RPS6KC1: variants seen among roughly 807,000 people sequenced by gnomAD.
RPS6KC1 encodes the protein inactive ribosomal protein S6 kinase delta-1.
Under a neutral mutation model 103.8 loss-of-function variants are expected in RPS6KC1, and 54 were observed. The observed-to-expected ratio is 0.52, with a 90% confidence interval of 0.42 to 0.65. The LOEUF is 0.65. RPS6KC1 is among the 30% of genes least tolerant of loss of function. The pLI, the probability that RPS6KC1 is intolerant of heterozygous loss-of-function variation, is 0.00. For missense variants in RPS6KC1, 1,151 were observed against 1,253.8 expected, an observed-to-expected ratio of 0.92 and a Z score of 1.24; for synonymous variants, 439 against 438.7, an observed-to-expected ratio of 1.00 and a Z score of -0.01.
At chr1:213,439,232 A>T in the RPS6KC1 span, among the ~76,000 whole-genome samples, 1 of 152,064 alleles carries the variant, frequency 6.6e-6, no homozygotes, top group Non-Finnish European at 1.5e-5. Context: ...TACAGGAAAA[A>T]CCAGCACAGA....
At chr1:213,381,069 G>A in the RPS6KC1 span, among the ~76,000 whole-genome samples, 3 of 152,196 alleles carry the variant, frequency 2.0e-5, no homozygotes, top group Admixed American at 1.3e-4. Context: ...TTAACGATTG[G>A]CGCTCGGAAC....
At chr1:213,218,406 G>A (rs2093728897) in intron 8 of RPS6KC1, among the ~76,000 whole-genome samples, 1 of 152,054 alleles carries the variant, frequency 6.6e-6, no homozygotes, top group Admixed American at 6.5e-5. Context: ...CCATGCTCAT[G>A]GGTAGGAAGA....
chr1:213,339,332 C>G, the RPS6KC1 span, among the ~76,000 whole-genome samples: 3 of 152,082 alleles, frequency 2.0e-5, no homozygotes, highest in Non-Finnish European at 4.4e-5. Flanking sequence ...CACATGTAGA[C>G]AAATCTTGGC....
chr1:213,180,756 TTGTG>T (rs1400237932), intron 8 of RPS6KC1, among the ~76,000 whole-genome samples: 1 of 152,066 alleles, frequency 6.6e-6, no homozygotes, highest in Non-Finnish European at 1.5e-5. Context: ...TTTGTTGTAT[TTGTG>T]TGGTACGAAT....
the RPS6KC1 span, among the ~76,000 whole-genome samples, chr1:213,366,981 G>A: frequency 1.3e-5 from 2 of 152,274 alleles, no homozygotes; most frequent in South Asian, 2.1e-4. Flanking sequence ...GATAGAGGTC[G>A]TAGTCTTCAA....
At chr1:213,320,278 A>G in the RPS6KC1 span, among the ~76,000 whole-genome samples, 2 of 152,240 alleles carry the variant, frequency 1.3e-5, no homozygotes, top group Non-Finnish European at 2.9e-5. Context: ...TCAGTCAGGT[A>G]TATTTATCAC....
At chr1:213,610,582 A>G in the RPS6KC1 span, among the ~76,000 whole-genome samples, 1 of 152,156 alleles carries the variant, frequency 6.6e-6, no homozygotes, top group African/African-American at 2.4e-5. Context: ...ATAATGATTC[A>G]GCCTTTCTCC....
chr1:213,279,780 T>G, the RPS6KC1 span, among the ~76,000 whole-genome samples: 1 of 152,154 alleles, frequency 6.6e-6, no homozygotes, highest in Non-Finnish European at 1.5e-5. Flanking sequence ...TGAAATTATT[T>G]CCAAATAAAA....
chr1:213,648,826 C>T, the RPS6KC1 span, among the ~76,000 whole-genome samples: 2 of 152,282 alleles, frequency 1.3e-5, no homozygotes, highest in African/African-American at 4.8e-5. Flanking sequence ...TCTGTCCCCA[C>T]CATGACAATC....
the RPS6KC1 span, among the ~76,000 whole-genome samples, chr1:213,305,303 G>A: frequency 2.0e-5 from 3 of 151,972 alleles, no homozygotes; most frequent in African/African-American, 7.3e-5. Flanking sequence ...GGCTGGTCTC[G>A]AACTCCTGAC....
At chr1:213,302,976 G>C in the RPS6KC1 span, among the ~76,000 whole-genome samples, 1 of 152,184 alleles carries the variant, frequency 6.6e-6, no homozygotes, top group Non-Finnish European at 1.5e-5. Context: ...CCTACCCCAG[G>C]TCTATAGAAA....
the RPS6KC1 span, among the ~76,000 whole-genome samples, chr1:213,472,363 C>A: frequency 2.0e-5 from 3 of 152,156 alleles, no homozygotes; most frequent in Non-Finnish European, 4.4e-5. Context: ...ATTCTTGTGA[C>A]AATTGGGACT....
chr1:213,521,424 C>T, the RPS6KC1 span, among the ~76,000 whole-genome samples: 2 of 152,298 alleles, frequency 1.3e-5, no homozygotes, highest in African/African-American at 4.8e-5. Context: ...TGCCTTGATG[C>T]TAATGGCTGA....
At chr1:213,576,075 G>C in the RPS6KC1 span, among the ~76,000 whole-genome samples, 1 of 152,136 alleles carries the variant, frequency 6.6e-6, no homozygotes. Context: ...GGGTTGGGTG[G>C]AGGGGGTACA....
chr1:213,137,799 A>ATATATAT (rs1572765998), intron 6 of RPS6KC1, among the ~76,000 whole-genome samples: 3 of 13,996 alleles, frequency 2.1e-4, no homozygotes, highest in Non-Finnish European at 4.8e-4. Flanking sequence ...ATATATATAT[A>ATATATAT]TTTTTTTTTT....
At chr1:213,775,151 A>C in the RPS6KC1 span, among the ~76,000 whole-genome samples, 1 of 152,248 alleles carries the variant, frequency 6.6e-6, no homozygotes, top group African/African-American at 2.4e-5. Context: ...TCTAATCAAC[A>C]ATACATTGTG....
At position 213,176,483 on chromosome 1, in the gene RPS6KC1, G is replaced by A; in HGVS notation, c.1035G>A (p.Val345=). 3.1e-6 allele frequency: 5 copies of A among 1,592,412 alleles called. No homozygotes were observed. Among genetic ancestry groups the A allele is most frequent in the Non-Finnish European group, 4.3e-6 (5 of 1,163,680 alleles). ...EELKAFRVLG[V]IDKVLLVMDT... Reference sequence around the variant, plus strand: ...TGAAGGCCTTCAGAGTCCTTGGGGTGATTGACAAGGTAATTCTTCAGTGTC... The same window carrying A: ...TGAAGGCCTTCAGAGTCCTTGGGGTAATTGACAAGGTAATTCTTCAGTGTC... Residue 345 remains valine, a synonymous_variant, in exon 8 of 15, where the codon GTG becomes GTA. Transcript: ENST00000366960.
chr1:213,611,938 A>G, the RPS6KC1 span, among the ~76,000 whole-genome samples: 40 of 152,322 alleles, frequency 2.6e-4, no homozygotes, highest in African/African-American at 8.9e-4. Context: ...AGGGGCTGAG[A>G]GATGAGGTAG....
the RPS6KC1 span, among the ~76,000 whole-genome samples, chr1:213,362,485 G>A: frequency 2.0e-5 from 3 of 152,198 alleles, no homozygotes; most frequent in Non-Finnish European, 4.4e-5. Context: ...GCACAGAGAA[G>A]TTAAGTTACC....
Sources: allele counts gnomAD v4.1 joint callset (sites outside exome capture counted in the v4.1 genomes callset), GRCh38; gene constraint gnomAD v4.1.1; transcripts MANE v1.5; gene names NCBI Gene and HGNC (gene_info 2026-07-23, HGNC 2026-07-21).